VTCN1: variants seen among roughly 807,000 people sequenced by gnomAD.
VTCN1 encodes V-set domain containing T cell activation inhibitor 1.
Under a neutral mutation model 26.5 loss-of-function variants are expected in VTCN1, and 26 were observed. The observed-to-expected ratio is 0.98, with a 90% CI of 0.72 to 1.36. The LOEUF (loss-of-function observed/expected upper bound fraction) is 1.36. Ranked by LOEUF, VTCN1 falls within the 40% of genes most tolerant of loss-of-function variation. VTCN1 has a pLI of 0.00. For synonymous variants in VTCN1, 116 were observed against 130.7 expected, an observed-to-expected ratio of 0.89 and a Z score of 0.77; for missense variants, 298 against 337.7, an observed-to-expected ratio of 0.88 and a Z score of 0.92.
rs1015859080 is a variant in VTCN1, at chr1:117,173,053, T to C, written c.33-2882A>G. On this transcript the variant is annotated intron_variant, in intron 1 of 5. Coordinates refer to ENST00000369458, the MANE Select transcript of VTCN1 (RefSeq NM_024626.4). ...CCTCTTTGGGTCTGCACTACCTTTATGAGCTGTAACACTTACCGTGAAGGA... is the reference window on the plus strand; with the variant it reads ...CCTCTTTGGGTCTGCACTACCTTTACGAGCTGTAACACTTACCGTGAAGGA... 36 of 666,528 alleles carry C rather than the reference T, an allele frequency of 5.4e-5. 1 individual carries two copies. In the Middle Eastern group the frequency reaches 2.0e-3, roughly 37 times the overall value. 41.3% of individuals were successfully genotyped at this position (666,528 alleles called of 1,614,324 possible). A position where few individuals can be genotyped will look rare whatever the true frequency, so the allele number is the denominator to read the frequency against.
At chr1:117,184,786 G>C (rs1013947215) in intron 1 of VTCN1, among the ~76,000 whole-genome samples, 1 of 152,168 alleles carries the variant, frequency 6.6e-6, no homozygotes, top group South Asian at 2.1e-4. Context: ...CACAGCAAGA[G>C]CCAGGGTGAC....
chr1:117,162,836 A>G (rs1652434286), intron 2 of VTCN1, among the ~76,000 whole-genome samples: 1 of 152,208 alleles, frequency 6.6e-6, no homozygotes, highest in South Asian at 2.1e-4. Context: ...AAGTGGGGGT[A>G]TAGGTAACAC....
intron 1 of VTCN1, among the ~76,000 whole-genome samples, chr1:117,174,438 A>G (rs1446558562): frequency 6.6e-6 from 1 of 152,210 alleles, no homozygotes; most frequent in African/African-American, 2.4e-5. Flanking sequence ...AACCTTTGTA[A>G]TAATCTGAGG....
chr1:117,190,942 T>A, intron 1 of VTCN1, among the ~76,000 whole-genome samples: 1 of 152,288 alleles, frequency 6.6e-6, no homozygotes, highest in African/African-American at 2.4e-5. Flanking sequence ...AGTCTATTAA[T>A]TGCCTGACAA....
chr1:117,155,690 G>A lies in VTCN1; in HGVS notation c.445+884C>T, dbSNP rs551965749. ...AGGTCTGATTCTAGATCTGAGCTTC[G>A]AATCATTGCATATGCATGTTATGAG... On this transcript the variant is annotated intron_variant, in intron 3 of 5. Coordinates refer to ENST00000369458, the MANE Select transcript of VTCN1 (RefSeq NM_024626.4). This position sits in a 1 kb window ranked among gnomAD's most constrained non-coding sequence, Gnocchi z 4.8. 1.5e-4 allele frequency among the ~76,000 whole-genome samples: 23 copies of A among 152,132 alleles called. No homozygotes were observed. The highest frequency in any genetic ancestry group is 4.1e-4 in the African/African-American group (17 of 41,504).
intron 1 of VTCN1, chr1:117,172,556 A>C: frequency 1.8e-5 from 9 of 493,832 alleles, no homozygotes; most frequent in South Asian, 1.3e-4. Flanking sequence ...TTTGGATAAA[A>C]TACTTCATCG....
rs1040216656 is a variant in VTCN1, at chr1:117,177,926, T to C, written c.33-7755A>G. ...ACTAATGAGTGTTTTCTTTTCTTTT[T>C]TTTTTTTTTTTTGGCGGGGTAGGTT... On this transcript the variant is annotated intron_variant, in intron 1 of 5. Coordinates refer to ENST00000369458, the MANE Select transcript of VTCN1 (RefSeq NM_024626.4). Among the ~76,000 whole-genome samples, 7 of 151,140 alleles carry C rather than the reference T, an allele frequency of 4.6e-5. 1 individual carries two copies. Among genetic ancestry groups the C allele is most frequent in the Admixed American group, 3.9e-4 (6 of 15,192 alleles).
intron 1 of VTCN1, among the ~76,000 whole-genome samples, chr1:117,182,284 G>C (rs1374200378): frequency 6.6e-6 from 1 of 152,174 alleles, no homozygotes; most frequent in African/African-American, 2.4e-5. Context: ...CTGTATCCTA[G>C]AAGTAAGTAG....
intron 2 of VTCN1, among the ~76,000 whole-genome samples, chr1:117,166,974 T>A (rs1321776394): frequency 6.6e-6 from 1 of 151,496 alleles, no homozygotes; most frequent in African/African-American, 2.4e-5. Flanking sequence ...ACGTCTGTAA[T>A]CCCAGCTACT....
rs1294665898 is a variant in VTCN1, at chr1:117,143,801, G to C, written c.*1470C>G. On this transcript the variant is annotated 3_prime_UTR_variant, in exon 6 of 6. Transcript: ENST00000369458. ...CTCAATTCAAGCAGTCATTGTCCTTGCTTTCAAAAGTCTGTGTGTGCTTCA... is the reference window on the plus strand; with the variant it reads ...CTCAATTCAAGCAGTCATTGTCCTTCCTTTCAAAAGTCTGTGTGTGCTTCA... The C allele has an allele frequency of 7.2e-5, 11 of 152,184 alleles. No homozygotes were observed. Among genetic ancestry groups the C allele is most frequent in the Admixed American group, 7.2e-4 (11 of 15,272 alleles). 9.4% of individuals were successfully genotyped at this position (152,184 alleles called of 1,614,324 possible). A position where few individuals can be genotyped will look rare whatever the true frequency, so the allele number is the denominator to read the frequency against.
At chr1:117,200,416 C>T (rs540811054) in intron 1 of VTCN1, among the ~76,000 whole-genome samples, 2 of 152,254 alleles carry the variant, frequency 1.3e-5, no homozygotes, top group African/African-American at 4.8e-5. Flanking sequence ...ACCCCCTCCC[C>T]ATTCTTTCCA....
In VTCN1 at chr1:117,167,802, A is replaced by C. The variant is rs1652694406; in HGVS notation, c.97+2305T>G. ...ATGGCCAAGTAAAGCAGGAAGAGGA[A>C]TATTAATAAAGATAAAAGCCAAAAT... On this transcript the variant is annotated intron_variant, in intron 2 of 5. Coordinates refer to ENST00000369458, the MANE Select transcript of VTCN1 (RefSeq NM_024626.4). The surrounding 1 kb of genome is among the most constrained non-coding windows in gnomAD (Gnocchi z 4.1). 6.6e-6 allele frequency among the ~76,000 whole-genome samples: 1 copy of C among 152,222 alleles called. No homozygotes were observed. Among genetic ancestry groups the C allele is most frequent in the Non-Finnish European group, 1.5e-5 (1 of 68,024 alleles).
chr1:117,208,953 T>C (rs1183100563), intron 1 of VTCN1, among the ~76,000 whole-genome samples: 1 of 152,194 alleles, frequency 6.6e-6, no homozygotes, highest in Admixed American at 6.5e-5. Context: ...AAGGCCATTA[T>C]GACAAAGGAA....
intron 1 of VTCN1, among the ~76,000 whole-genome samples, chr1:117,202,891 TG>T (rs1445322848): frequency 6.6e-6 from 1 of 151,950 alleles, no homozygotes; most frequent in East Asian, 1.9e-4. Context: ...AAAAGAGAGA[TG>T]GGGTGGGTAG....
At chr1:117,158,733 A>G (rs1236604672) in intron 2 of VTCN1, among the ~76,000 whole-genome samples, 1 of 152,182 alleles carries the variant, frequency 6.6e-6, no homozygotes, top group Non-Finnish European at 1.5e-5. Context: ...TCACATTGTC[A>G]GGCTGCAAAT....
rs1212103875 is a variant in VTCN1 at position 117,155,051 on chromosome 1, T to C, written c.445+1523A>G. ...AGTTTTGAGGAGTACTGGTTAGGTA[T>C]TTTGAGGAGTACCGGTTAGGTATTT... On this transcript the variant is annotated intron_variant, in intron 3 of 5. Transcript: ENST00000369458. The surrounding 1 kb of genome is among the most constrained non-coding windows in gnomAD (Gnocchi z 4.8). 6.6e-6 allele frequency among the ~76,000 whole-genome samples: 1 copy of C among 152,164 alleles called. No homozygotes were observed. The highest frequency in any genetic ancestry group is 1.9e-4 in the East Asian group (1 of 5,198).
chr1:117,152,314 G>A (rs572295067), intron 4 of VTCN1, among the ~76,000 whole-genome samples: 5 of 152,266 alleles, frequency 3.3e-5, no homozygotes, highest in Middle Eastern at 3.4e-3. Flanking sequence ...AATGTGTAAG[G>A]TATTTTGTGC....
rs114400714 is a variant in VTCN1 at position 117,175,406 on chromosome 1, T to C, written c.33-5235A>G. Among the ~76,000 whole-genome samples, 5,859 of 152,294 alleles carry C rather than the reference T, an allele frequency of 0.038. 163 individuals carry two copies. Among genetic ancestry groups the C allele is most frequent in the South Asian group, 0.082 (396 of 4,824 alleles). On this transcript the variant is annotated intron_variant, in intron 1 of 5. Coordinates refer to ENST00000369458, the MANE Select transcript of VTCN1 (RefSeq NM_024626.4). This position sits in a 1 kb window ranked among gnomAD's most constrained non-coding sequence, Gnocchi z 4.2. ...GGGTGCTGTGAGCCGGCGTGGTCGC[T>C]GTGAAGCGGATGTGCAGCCTAGGAC...
chr1:117,201,612 C>G (rs1442312967), intron 1 of VTCN1, among the ~76,000 whole-genome samples: 1 of 152,170 alleles, frequency 6.6e-6, no homozygotes, highest in East Asian at 1.9e-4. Context: ...AGTAAGTACC[C>G]AAGAGATATA....
Sources: gnomAD v4.1 joint callset for allele counts (sites outside exome capture counted in the v4.1 genomes callset) on GRCh38, gnomAD v4.1.1 for gene constraint, Gnocchi (gnomAD v3.1) non-coding constraint, MANE v1.5 for transcripts, NCBI Gene and HGNC (gene_info 2026-07-23, HGNC 2026-07-21) for gene names.